Variants in SSX2IP observed in about 807,000 individuals in gnomAD.
SSX2IP encodes the protein afadin- and alpha-actinin-binding protein.
In SSX2IP, 55 loss-of-function variants were observed where a neutral mutation model predicts 84.9. The ratio of observed to expected loss-of-function variants is 0.65; its 90% CI spans 0.52 to 0.81. SSX2IP has a LOEUF of 0.81. Among genes scored for constraint, SSX2IP ranks in the 30% least tolerant of loss-of-function variants. SSX2IP has a pLI of 0.00. For synonymous variants in SSX2IP, 239 were observed against 234.7 expected (o/e 1.02, Z -0.17); for missense variants, 664 against 705.2 (o/e 0.94, Z 0.66).
At chr1:84,678,979 A>G (rs1039677169) in intron 1 of SSX2IP, among the ~76,000 whole-genome samples, 5 of 152,224 alleles carry the variant, frequency 3.3e-5, no homozygotes, top group Admixed American at 1.3e-4. Flanking sequence ...GCTTCTAAAT[A>G]TTGCACAGAA....
At chr1:84,656,622 G>A (rs536068181) in intron 9 of SSX2IP, 138 bp from the exon 10 acceptor site, 22 of 632,540 alleles carry the variant, frequency 3.5e-5, no homozygotes, top group Middle Eastern at 3.5e-4. Flanking sequence ...AAGTAGTTAC[G>A]TCCTTTGACT....
chr1:84,683,932 GA>G (rs534959065), intron 1 of SSX2IP, among the ~76,000 whole-genome samples: 1 of 151,412 alleles, frequency 6.6e-6, no homozygotes, highest in Non-Finnish European at 1.5e-5. Flanking sequence ...TAAGAAACAA[GA>G]AAAAAAAGAG....
chr1:84,677,458 C>A (rs1189965825), intron 1 of SSX2IP, among the ~76,000 whole-genome samples: 1 of 152,258 alleles, frequency 6.6e-6, no homozygotes, highest in Admixed American at 6.5e-5. Context: ...CACAACAATA[C>A]CTTGTAGAAC....
intron 12 of SSX2IP, among the ~76,000 whole-genome samples, chr1:84,651,087 G>A (rs765549462): frequency 7.2e-5 from 11 of 152,098 alleles, no homozygotes; most frequent in East Asian, 1.9e-4. Context: ...AAGGTGAGGC[G>A]GAATGACTGC....
At position 84,690,410 on chromosome 1, in the gene SSX2IP, C is replaced by G. The variant is rs1314951264; in HGVS notation, c.-129G>C. 1 of 151,004 alleles carries G rather than the reference C, an allele frequency of 6.6e-6. No homozygotes were observed. Among genetic ancestry groups the G allele is most frequent in the African/African-American group, 2.4e-5 (1 of 41,192 alleles). The allele number at this position is 151,004 out of a possible 1,614,324, so 9.4% of individuals were successfully genotyped here. A position where few individuals can be genotyped will look rare whatever the true frequency, so the allele number is the denominator to read the frequency against. ...GGAGCGGCGGGGAGTCACCGCTCGG[C>G]GTCCTAGCCCGGCTCCCGCAGCCCG... On this transcript the variant is annotated 5_prime_UTR_variant, in exon 1 of 14. Coordinates refer to ENST00000342203, the MANE Select transcript of SSX2IP (RefSeq NM_001166293.2).
intron 1 of SSX2IP, among the ~76,000 whole-genome samples, chr1:84,675,200 A>G (rs1654152175): frequency 1.3e-5 from 2 of 152,228 alleles, no homozygotes; most frequent in African/African-American, 4.8e-5. Context: ...ACACACGTTC[A>G]TATTATAGAT....
intron 4 of SSX2IP, 125 bp from the exon 5 acceptor site, chr1:84,666,357 G>A: frequency 1.5e-6 from 1 of 663,826 alleles, no homozygotes; most frequent in East Asian, 2.9e-5. Flanking sequence ...AATGTTAGTG[G>A]CACATGAAAT....
intron 11 of SSX2IP, 43 bp downstream of exon 11, chr1:84,655,789 C>A: frequency 6.3e-7 from 1 of 1,589,548 alleles, no homozygotes. Flanking sequence ...TGAGGCCCAC[C>A]CACCCCCAGT....
intron 1 of SSX2IP, among the ~76,000 whole-genome samples, chr1:84,674,452 T>C (rs573624822): frequency 1.3e-5 from 2 of 152,230 alleles, no homozygotes; most frequent in African/African-American, 4.8e-5. Flanking sequence ...GTGAGCTAAT[T>C]TCATAATCAA....
chr1:84,648,393 C>CA (rs1443591443), intron 13 of SSX2IP, among the ~76,000 whole-genome samples: 1 of 151,778 alleles, frequency 6.6e-6, no homozygotes, highest in Non-Finnish European at 1.5e-5. Context: ...CACTCAGAAA[C>CA]AAAAAAAGCA....
rs1652750566 is a variant in SSX2IP at position 84,666,169 on chromosome 1, A to G, written c.490T>C (p.Cys164Arg). 6.2e-7 allele frequency: 1 copy of G among 1,612,786 alleles called. No homozygotes were observed. Among genetic ancestry groups the G allele is most frequent in the Non-Finnish European group, 8.5e-7 (1 of 1,179,314 alleles). Residue 164 changes from cysteine (C) to arginine (R), a missense_variant, in exon 5 of 14, where the codon TGT (cysteine) becomes CGT (arginine). By Grantham distance (180) the Cys-to-Arg change is radical (BLOSUM62 -3). Coordinates refer to ENST00000342203, the MANE Select transcript of SSX2IP (RefSeq NM_001166293.2). Reference sequence around the variant, plus strand: ...AGCTGATGCAAATTCCTGTTCTTACATTGTAACTGTCTGTCTCTTTCCTGA... The same window carrying G: ...AGCTGATGCAAATTCCTGTTCTTACGTTGTAACTGTCTGTCTCTTTCCTGA... Reference protein sequence around the residue: ...GLQERDRQLQCKNRNLHQLLK... With the variant: ...GLQERDRQLQRKNRNLHQLLK...
intron 1 of SSX2IP, among the ~76,000 whole-genome samples, chr1:84,676,519 G>C (rs189157814): frequency 1.6e-4 from 24 of 152,206 alleles, no homozygotes; most frequent in African/African-American, 5.8e-4. Flanking sequence ...AAATAAGAAA[G>C]GGAACTCTGG....
intron 13 of SSX2IP, chr1:84,650,128 T>G: frequency 1.6e-6 from 1 of 618,108 alleles, no homozygotes; most frequent in South Asian, 2.0e-5. Context: ...ACACATCATA[T>G]GATTTACCTC....
intron 1 of SSX2IP, among the ~76,000 whole-genome samples, chr1:84,685,446 A>C (rs930401830): frequency 3.3e-5 from 5 of 152,246 alleles, no homozygotes; most frequent in Admixed American, 2.0e-4. Flanking sequence ...CACCTAATGC[A>C]TGCCAGATGG....
intron 1 of SSX2IP, among the ~76,000 whole-genome samples, chr1:84,679,803 C>T (rs1223695135): frequency 1.3e-5 from 2 of 152,184 alleles, no homozygotes; most frequent in Non-Finnish European, 2.9e-5. Context: ...AGTCAATCTT[C>T]ACAACAACAC....
intron 1 of SSX2IP, among the ~76,000 whole-genome samples, chr1:84,688,874 G>A (rs888106280): frequency 2.0e-5 from 3 of 152,180 alleles, no homozygotes; most frequent in Admixed American, 6.5e-5. Context: ...GGAAAGAGAA[G>A]GGAAGGAAGA....
At chr1:84,669,956 C>G in intron 3 of SSX2IP, 63 bp from the exon 4 acceptor site, 1 of 1,229,232 alleles carries the variant, frequency 8.1e-7, no homozygotes, top group Non-Finnish European at 1.2e-6. Context: ...TCAGAGGATA[C>G]AAACTTTCAG....
intron 8 of SSX2IP, among the ~76,000 whole-genome samples, chr1:84,660,895 C>CAAAAAAAA (rs11362631): frequency 5.4e-4 from 53 of 97,856 alleles, no homozygotes; most frequent in African/African-American, 9.2e-4. Flanking sequence ...TACTAAAATA[C>CAAAAAAAA]AAAAAAAAAA....
intron 1 of SSX2IP, among the ~76,000 whole-genome samples, chr1:84,687,166 G>A (rs1297622714): frequency 2.0e-5 from 3 of 152,026 alleles, no homozygotes; most frequent in African/African-American, 7.3e-5. Context: ...TCATAAATGC[G>A]ACAACCAGGG....
Sources: gnomAD v4.1 joint callset for allele counts (sites outside exome capture counted in the v4.1 genomes callset) on GRCh38, gnomAD v4.1.1 for gene constraint, MANE v1.5 for transcripts, NCBI Gene and HGNC (gene_info 2026-07-23, HGNC 2026-07-21) for gene names.